PRKN: variants seen among roughly 807,000 people sequenced by gnomAD.
PRKN encodes the protein E3 ubiquitin-protein ligase parkin.
PRKN carries 56 observed loss-of-function variants against 59.5 expected under a neutral mutation model. The observed-to-expected ratio is 0.94, with a 90% CI of 0.76 to 1.18. The LOEUF (loss-of-function observed/expected upper bound fraction) is 1.18, where lower values mean the gene tolerates loss of function less well. Among genes scored for constraint, PRKN ranks in the 50% most tolerant of loss-of-function variants. The pLI, the probability that PRKN is intolerant of heterozygous loss-of-function variation, is 0.00. For synonymous variants in PRKN, 250 were observed against 222.1 expected, an observed-to-expected ratio of 1.13 and a Z score of -1.12; for missense variants, 657 against 596.4, an observed-to-expected ratio of 1.10 and a Z score of -1.06.
chr6:162,390,396 T>C (rs62430714), intron 2 of PRKN, among the ~76,000 whole-genome samples: 14,552 of 83,778 alleles, frequency 0.17, 1,176 homozygotes, highest in Middle Eastern at 0.19. Flanking sequence ...TATATATATA[T>C]ACACACACAC....
rs1035756475 is a variant in PRKN at position 161,830,312 on chromosome 6, C to T, written c.735-44404G>A. 8.8e-4 allele frequency among the ~76,000 whole-genome samples: 132 copies of T among 150,702 alleles called. 2 individuals are homozygous for T. Among genetic ancestry groups the T allele is most frequent in the African/African-American group, 1.6e-3 (66 of 40,966 alleles). On this transcript the variant is annotated intron_variant, in intron 6 of 11. Transcript: ENST00000366898. The stretch of plus-strand genomic sequence containing the variant: ...TGTTGCCCAGGCTGGAGTGCGGTGG[C>T]GCGATCTTGGCTCACTGCAAGCTCC...
chr6:162,498,544 C>T (rs1033721182), intron 1 of PRKN, among the ~76,000 whole-genome samples: 4 of 141,430 alleles, frequency 2.8e-5, no homozygotes, highest in African/African-American at 1.0e-4. Context: ...CTCCTGGGTT[C>T]AAGCGATTGT....
chr6:161,943,497 GC>G lies in PRKN; in HGVS notation c.734+29804del, dbSNP rs1298668145. 2.6e-5 allele frequency among the ~76,000 whole-genome samples: 4 copies of G among 152,350 alleles called. No homozygotes were observed. In the South Asian group the frequency reaches 8.3e-4, roughly 32 times the overall value. On this transcript the variant is annotated intron_variant, in intron 6 of 11. Transcript: ENST00000366898. ...TTTTGAAGGAATATAACAGTTTAAT[GC>G]TATTTTCACAAATGATTATTTTATG...
At chr6:162,165,278 T>G (rs1782927235) in intron 4 of PRKN, among the ~76,000 whole-genome samples, 1 of 149,192 alleles carries the variant, frequency 6.7e-6, no homozygotes, top group East Asian at 1.9e-4. Flanking sequence ...CAAAGGTTTC[T>G]TTGACAGGTT....
rs534134190 is a variant in PRKN at position 162,338,873 on chromosome 6, T to C, written c.172-76108A>G. Among the ~76,000 whole-genome samples, 39 of 145,974 alleles carry C rather than the reference T, an allele frequency of 2.7e-4. No individual in the cohort carries two copies. In the South Asian group the frequency reaches 7.3e-3, roughly 27 times the overall value. On this transcript the variant is annotated intron_variant, in intron 2 of 11. Transcript: ENST00000366898. ...AGCGTCTCTGCCCGGCCGCCCATCGTCTGAGATGTGGGGAGCGCCTCTGCC... is the reference window on the plus strand; with the variant it reads ...AGCGTCTCTGCCCGGCCGCCCATCGCCTGAGATGTGGGGAGCGCCTCTGCC...
At chr6:162,624,143 G>T (rs915532721) in intron 1 of PRKN, among the ~76,000 whole-genome samples, 5 of 151,808 alleles carry the variant, frequency 3.3e-5, no homozygotes, top group Non-Finnish European at 5.9e-5. Flanking sequence ...AGCTACTCGG[G>T]AGGCTGAGGC....
intron 4 of PRKN, among the ~76,000 whole-genome samples, chr6:162,063,596 G>A (rs1471137350): frequency 7.2e-6 from 1 of 138,594 alleles, no homozygotes; most frequent in Non-Finnish European, 1.6e-5. Context: ...TCAGGCTGGA[G>A]TGCAGTGGTG....
At chr6:162,724,732 C>T (rs1330761323) in intron 1 of PRKN, among the ~76,000 whole-genome samples, 1 of 152,184 alleles carries the variant, frequency 6.6e-6, no homozygotes, top group Non-Finnish European at 1.5e-5. Flanking sequence ...ACTCCCTCAA[C>T]ACAGGGAGAA....
At chr6:162,645,522 C>T (rs1181253313) in intron 1 of PRKN, among the ~76,000 whole-genome samples, 1 of 152,018 alleles carries the variant, frequency 6.6e-6, no homozygotes, top group Non-Finnish European at 1.5e-5. Context: ...AAAACAAAGT[C>T]AGGGATTCCT....
chr6:161,889,257 T>G (rs1471315226), intron 6 of PRKN, among the ~76,000 whole-genome samples: 2 of 152,076 alleles, frequency 1.3e-5, no homozygotes, highest in African/African-American at 4.8e-5. Context: ...AACAACTCAA[T>G]TTTGAAAACA....
At chr6:162,096,205 T>C (rs1040679931) in intron 4 of PRKN, among the ~76,000 whole-genome samples, 1 of 152,112 alleles carries the variant, frequency 6.6e-6, no homozygotes, top group South Asian at 2.1e-4. Flanking sequence ...TTACCACAGA[T>C]TAGGATGCAC....
At chr6:162,643,236 A>G (rs573024580) in intron 1 of PRKN, among the ~76,000 whole-genome samples, 2 of 152,014 alleles carry the variant, frequency 1.3e-5, no homozygotes, top group South Asian at 4.2e-4. Context: ...CGTCTCTACT[A>G]AAAATATAAA....
intron 5 of PRKN, among the ~76,000 whole-genome samples, chr6:162,035,071 G>A (rs1240330005): frequency 6.6e-6 from 1 of 152,122 alleles, no homozygotes; most frequent in East Asian, 1.9e-4. Context: ...ACTCATGATG[G>A]AAGGTGAAGG....
chr6:162,567,749 G>A (rs1258385047), intron 1 of PRKN, among the ~76,000 whole-genome samples: 1 of 152,100 alleles, frequency 6.6e-6, no homozygotes, highest in East Asian at 1.9e-4. Flanking sequence ...ATTCTTCTGG[G>A]AAATAGAAAA....
At chr6:162,552,644 G>A (rs1405885984) in intron 1 of PRKN, among the ~76,000 whole-genome samples, 2 of 152,108 alleles carry the variant, frequency 1.3e-5, no homozygotes, top group African/African-American at 2.4e-5. Context: ...CATCCGCGTG[G>A]AGTTGTCAGG....
Position 161,446,040 on chromosome 6 carries a change from T to C in PRKN, c.1084-59163A>G, listed in dbSNP as rs1362049482. 7.2e-6 allele frequency among the ~76,000 whole-genome samples: 1 copy of C among 139,764 alleles called. No homozygotes were observed. The highest frequency in any genetic ancestry group is 1.5e-5 in the Non-Finnish European group (1 of 65,032). 91.7% of individuals were successfully genotyped at this position (139,764 alleles called of 152,430 possible). On this transcript the variant is annotated intron_variant, in intron 9 of 11. Transcript: ENST00000366898. This position sits in a 1 kb window ranked among gnomAD's most constrained non-coding sequence, Gnocchi z 6.2. ...GCAACATGGTGAAACCCTGTCTCTA[T>C]AAAAAATATAAAACTTAGCTGGGTG... is the stretch of plus-strand genomic sequence containing the variant.
chr6:161,892,352 G>T (rs930423432), intron 6 of PRKN, among the ~76,000 whole-genome samples: 18 of 151,702 alleles, frequency 1.2e-4, no homozygotes, highest in African/African-American at 4.4e-4. Flanking sequence ...GATCGCTTGA[G>T]GCCAGGTGTT....
chr6:161,766,117 A>T (rs1789411821), intron 7 of PRKN, among the ~76,000 whole-genome samples: 1 of 152,174 alleles, frequency 6.6e-6, no homozygotes. Flanking sequence ...TTTAACTCAC[A>T]ATACAACATG....
rs145255839 is a variant in PRKN at position 162,191,657 on chromosome 6, C to T, written c.534+9474G>A. ...AGGTTTTCACCATGTTGGTGAGGCT[C>T]GTCTCGAACTCCTGACTTCAAGTGA... On this transcript the variant is annotated intron_variant, in intron 4 of 11. Transcript: ENST00000366898. 8.5e-3 allele frequency among the ~76,000 whole-genome samples: 1,294 copies of T among 152,158 alleles called. 21 individuals carry two copies. The highest frequency in any genetic ancestry group is 0.03 in the African/African-American group (1,231 of 41,524).
Sources: allele counts gnomAD v4.1 joint callset (sites outside exome capture counted in the v4.1 genomes callset), GRCh38; gene constraint gnomAD v4.1.1; non-coding constraint Gnocchi (gnomAD v3.1); transcripts MANE v1.5; gene names NCBI Gene and HGNC (gene_info 2026-07-23, HGNC 2026-07-21).